The following DCT variants were observed in gnomAD, a reference collection of about 807,000 sequenced individuals.
The protein encoded by DCT is L-dopachrome tautomerase.
A neutral mutation model predicts 53.0 loss-of-function variants in DCT; 47 were observed. The observed-to-expected ratio is 0.89, with a 90% CI of 0.70 to 1.13. The LOEUF is 1.13. Among genes scored for constraint, DCT ranks in the 50% most tolerant of loss-of-function variants. DCT has a pLI of 0.00. For synonymous variants in DCT, 244 were observed against 237.0 expected, an observed-to-expected ratio of 1.03 and a Z score of -0.27; for missense variants, 669 against 637.4, an observed-to-expected ratio of 1.05 and a Z score of -0.53.
chr13:94,547,982 A>ATATATAT, the DCT span, among the ~76,000 whole-genome samples: 10 of 84,852 alleles, frequency 1.2e-4, no homozygotes, highest in African/African-American at 4.3e-4. Context: ...AAAAAAAAAA[A>ATATATAT]AAATATATAT....
the DCT span, among the ~76,000 whole-genome samples, chr13:94,501,213 G>T: frequency 6.6e-6 from 1 of 152,086 alleles, no homozygotes; most frequent in Non-Finnish European, 1.5e-5. Context: ...AGCTTGCAGT[G>T]AACGGAGATC....
At chr13:94,526,152 C>T in the DCT span, among the ~76,000 whole-genome samples, 2 of 152,212 alleles carry the variant, frequency 1.3e-5, no homozygotes, top group Non-Finnish European at 1.5e-5. Context: ...ACTATGGGTA[C>T]TATCATGGCA....
chr13:94,515,535 G>C, the DCT span, among the ~76,000 whole-genome samples: 1 of 152,206 alleles, frequency 6.6e-6, no homozygotes, highest in Admixed American at 6.5e-5. Context: ...TACTGAATCA[G>C]TACTTGTCAG....
At chr13:94,543,079 C>T in the DCT span, among the ~76,000 whole-genome samples, 2 of 152,280 alleles carry the variant, frequency 1.3e-5, no homozygotes, top group African/African-American at 4.8e-5. Flanking sequence ...CAGGGTTATC[C>T]TGTTGGATGG....
chr13:94,507,416 C>T, the DCT span, among the ~76,000 whole-genome samples: 360 of 152,074 alleles, frequency 2.4e-3, 2 homozygotes, highest in African/African-American at 8.2e-3. Flanking sequence ...ACACCACAAG[C>T]GAACAGGTGC....
chr13:94,460,811 G>A (rs1480603592), intron 5 of DCT, among the ~76,000 whole-genome samples: 3 of 152,152 alleles, frequency 2.0e-5, no homozygotes, highest in African/African-American at 7.2e-5. Flanking sequence ...AAGACTTTAA[G>A]AATTATGAGA....
intron 5 of DCT, among the ~76,000 whole-genome samples, chr13:94,461,567 T>G (rs1353258850): frequency 6.6e-6 from 1 of 152,228 alleles, no homozygotes. Flanking sequence ...ATTGCTGTGC[T>G]ATGATTTGAG....
At chr13:94,515,687 C>T in the DCT span, among the ~76,000 whole-genome samples, 1 of 152,174 alleles carries the variant, frequency 6.6e-6, no homozygotes, top group Non-Finnish European at 1.5e-5. Context: ...CTTTGAATCT[C>T]AAGAACTTCT....
intron 3 of DCT, among the ~76,000 whole-genome samples, chr13:94,466,253 T>C (rs1011445076): frequency 1.3e-5 from 2 of 151,604 alleles, no homozygotes; most frequent in Admixed American, 6.6e-5. Flanking sequence ...AATGGGAAGA[T>C]GTAGGCTGAA....
the DCT span, among the ~76,000 whole-genome samples, chr13:94,497,175 C>T: frequency 6.6e-6 from 1 of 152,182 alleles, no homozygotes; most frequent in African/African-American, 2.4e-5. Context: ...AGGTGGGCCT[C>T]ATCCAACCAG....
chr13:94,477,932 G>A (rs777904162), intron 1 of DCT, among the ~76,000 whole-genome samples: 26 of 152,114 alleles, frequency 1.7e-4, no homozygotes, highest in Non-Finnish European at 3.5e-4. Flanking sequence ...GTTTATTCCC[G>A]AAGGGCATAT....
chr13:94,475,872 T>A (rs1192613938), intron 1 of DCT, among the ~76,000 whole-genome samples: 1 of 152,210 alleles, frequency 6.6e-6, no homozygotes, highest in Non-Finnish European at 1.5e-5. Context: ...ACATTAAAAG[T>A]CTAGTAAATT....
At chr13:94,483,529 G>T (rs568211021), upstream of DCT, among the ~76,000 whole-genome samples, 35 of 151,032 alleles carry the variant, frequency 2.3e-4, no homozygotes, top group South Asian at 3.6e-3. Context: ...TTGAGACAGA[G>T]TCTCACTGTG....
chr13:94,522,010 G>C, the DCT span, among the ~76,000 whole-genome samples: 1,852 of 152,226 alleles, frequency 0.012, 38 homozygotes, highest in African/African-American at 0.042. Flanking sequence ...TCTTAGGATG[G>C]GCTTCTTTCA....
upstream of DCT, among the ~76,000 whole-genome samples, chr13:94,479,976 A>G (rs1885369875): frequency 6.6e-6 from 1 of 152,192 alleles, no homozygotes; most frequent in Non-Finnish European, 1.5e-5. Flanking sequence ...CCCTTTACAC[A>G]GAAGCTCACA....
At position 94,466,629 on chromosome 13, in the gene DCT, A is replaced by C; in HGVS notation, c.625T>G (p.Phe209Val). ...ACAAATGCAGGTCCTTGATGTGAGAAATCTATGGCCCTGTAGGGGCGTCCT... is the reference window on the plus strand; with the variant it reads ...ACAAATGCAGGTCCTTGATGTGAGACATCTATGGCCCTGTAGGGGCGTCCT... Reference protein sequence around the residue: ...GPGRPYRAIDFSHQGPAFVTW... With the variant: ...GPGRPYRAIDVSHQGPAFVTW... The change falls in exon 3 of 8, where the codon TTC becomes GTC. Residue 209 changes from phenylalanine (F) to valine (V), a missense_variant. Physicochemically the swap from Phe to Val is conservative, Grantham distance 50 (BLOSUM62 -1). Coordinates refer to ENST00000377028, the MANE Select transcript of DCT (RefSeq NM_001922.5). The C allele has an allele frequency of 6.2e-7, 1 of 1,611,932 alleles. No individual in the cohort carries two copies. Among genetic ancestry groups the C allele is most frequent in the East Asian group, 2.2e-5 (1 of 44,760 alleles).
chr13:94,523,677 A>G, the DCT span, among the ~76,000 whole-genome samples: 3 of 152,110 alleles, frequency 2.0e-5, no homozygotes, highest in African/African-American at 7.2e-5. Context: ...TTTTACAACT[A>G]CGCCATTCCT....
At chr13:94,545,656 C>G in the DCT span, among the ~76,000 whole-genome samples, 3 of 152,140 alleles carry the variant, frequency 2.0e-5, no homozygotes, top group African/African-American at 7.2e-5. Context: ...CCCCTGCCTG[C>G]CTTTGAGTCT....
At chr13:94,502,295 G>C in the DCT span, among the ~76,000 whole-genome samples, 1 of 151,472 alleles carries the variant, frequency 6.6e-6, no homozygotes, top group African/African-American at 2.4e-5. Flanking sequence ...CCTCCCTGCT[G>C]TCCCCCTCAT....
Sources: allele counts gnomAD v4.1 joint callset (sites outside exome capture counted in the v4.1 genomes callset), GRCh38; gene constraint gnomAD v4.1.1; transcripts MANE v1.5; gene names NCBI Gene and HGNC (gene_info 2026-07-23, HGNC 2026-07-21).